SHLD1: variants seen among roughly 807,000 people sequenced by gnomAD.
SHLD1 encodes shieldin complex subunit 1.
In SHLD1, 3 loss-of-function variants were observed where a neutral mutation model predicts 5.5. That is an observed-to-expected ratio of 0.54 (90% CI 0.25 to 1.40). The LOEUF (loss-of-function observed/expected upper bound fraction) is 1.40. Ranked by LOEUF, SHLD1 falls within the 40% of genes most tolerant of loss-of-function variation. The pLI is 0.15. For missense variants in SHLD1, 210 were observed against 244.4 expected (o/e 0.86, Z 0.94); for synonymous variants, 92 against 94.3 (o/e 0.98, Z 0.14).
intron 2 of SHLD1, among the ~76,000 whole-genome samples, chr20:5,831,487 C>T (rs1356655761): frequency 6.6e-6 from 1 of 152,178 alleles, no homozygotes; most frequent in African/African-American, 2.4e-5. Flanking sequence ...AACAGCCCAC[C>T]TTTCATATCT....
In SHLD1 at chr20:5,764,138, A is replaced by AT. The variant is rs1568489951; in HGVS notation, c.-4-8724_-4-8723insT. ...CAAGGCTCTGTCTCAAAAAAAAAAA[A>AT]AATATATATATATTTATATTTATAT... is the stretch of plus-strand genomic sequence containing the variant. On this transcript the variant is annotated intron_variant, in intron 1 of 2. Transcript: ENST00000303142. Among the ~76,000 whole-genome samples, 192 of 50,270 alleles carry AT rather than the reference A, an allele frequency of 3.8e-3. 4 individuals are homozygous for AT. Among genetic ancestry groups the AT allele is most frequent in the African/African-American group, 0.015 (180 of 12,318 alleles). 33.0% of individuals were successfully genotyped at this position (50,270 alleles called of 152,430 possible). A position where few individuals can be genotyped will look rare whatever the true frequency, so the allele number is the denominator to read the frequency against.
rs758092845 is a variant in SHLD1 at position 5,863,065 on chromosome 20, G to A, written c.220G>A (p.Ala74Thr). The stretch of plus-strand genomic sequence containing the variant: ...TATAGAACAAAATAACTCCTGGACC[G>A]CTGAGAACTTCTGGCTTGACCCTGC... ...LNIEQNNSWT[A>T]ENFWLDPAVK... Residue 74 changes from alanine to threonine, a missense_variant, in exon 3 of 3, where the codon GCT (alanine) becomes ACT (threonine). Coordinates refer to ENST00000303142, the MANE Select transcript of SHLD1 (RefSeq NM_152504.4). 1.1e-5 allele frequency: 18 copies of A among 1,613,394 alleles called. No individual in the cohort carries two copies. The highest frequency in any genetic ancestry group is 6.6e-5 in the South Asian group (6 of 90,994).
At chr20:5,786,615 C>T (rs1292377939) in intron 2 of SHLD1, among the ~76,000 whole-genome samples, 1 of 151,754 alleles carries the variant, frequency 6.6e-6, no homozygotes, top group Non-Finnish European at 1.5e-5. Context: ...ATTATCTGAC[C>T]TACTTTGTTT....
intron 2 of SHLD1, among the ~76,000 whole-genome samples, chr20:5,814,088 G>A (rs1037812640): frequency 6.6e-6 from 1 of 151,584 alleles, no homozygotes; most frequent in African/African-American, 2.4e-5. Flanking sequence ...GAGTGGCTGG[G>A]ACTACAGGCG....
chr20:5,775,382 C>G (rs1985376184), intron 2 of SHLD1, among the ~76,000 whole-genome samples: 1 of 152,112 alleles, frequency 6.6e-6, no homozygotes, highest in South Asian at 2.1e-4. Context: ...TGAAATACTT[C>G]AAGGCAATGG....
chr20:5,767,538 T>G lies in SHLD1; in HGVS notation c.-4-5324T>G, dbSNP rs73594811. Among the ~76,000 whole-genome samples, 5 of 152,332 alleles carry G rather than the reference T, an allele frequency of 3.3e-5. No homozygotes were observed. The East Asian group carries it at 9.6e-4, about 29-fold the overall frequency. Reference sequence around the variant, plus strand: ...ACCCGTGGGTCCCTGACCTCATTCATGTGCTCTTCCTTTCCCACCCGGACC... The same window carrying G: ...ACCCGTGGGTCCCTGACCTCATTCAGGTGCTCTTCCTTTCCCACCCGGACC... On this transcript the variant is annotated intron_variant, in intron 1 of 2. Transcript: ENST00000303142.
intron 2 of SHLD1, among the ~76,000 whole-genome samples, chr20:5,840,236 T>A (rs2087841477): frequency 6.6e-6 from 1 of 152,218 alleles, no homozygotes; most frequent in African/African-American, 2.4e-5. Context: ...TTTGAACAAG[T>A]TTCGTAATCT....
chr20:5,829,413 A>T (rs1011850602), intron 2 of SHLD1, among the ~76,000 whole-genome samples: 3 of 151,876 alleles, frequency 2.0e-5, no homozygotes, highest in Non-Finnish European at 4.4e-5. Flanking sequence ...AGCTCTTATG[A>T]AGCTTATATA....
chr20:5,856,070 A>T (rs1395651225), intron 2 of SHLD1, among the ~76,000 whole-genome samples: 1 of 152,212 alleles, frequency 6.6e-6, no homozygotes, highest in East Asian at 1.9e-4. Flanking sequence ...TTGTAGTATG[A>T]CACAGATCTC....
intron 2 of SHLD1, among the ~76,000 whole-genome samples, chr20:5,812,835 A>G (rs1056767916): frequency 7.2e-5 from 11 of 152,142 alleles, no homozygotes; most frequent in Non-Finnish European, 1.6e-4. Context: ...TGAACAAAAT[A>G]GACAAAGGCT....
chr20:5,857,805 T>C (rs117143423), intron 2 of SHLD1, among the ~76,000 whole-genome samples: 16,084 of 150,708 alleles, frequency 0.11, 881 homozygotes, highest in Non-Finnish European at 0.13. Flanking sequence ...AGCAAAACCC[T>C]GTCTAAAAAA....
chr20:5,859,795 G>T (rs991466686), intron 2 of SHLD1, among the ~76,000 whole-genome samples: 1 of 152,190 alleles, frequency 6.6e-6, no homozygotes, highest in Non-Finnish European at 1.5e-5. Context: ...GAAGGGGAAG[G>T]GTTGTTTCTC....
At chr20:5,758,951 GT>G (rs903234621) in intron 1 of SHLD1, among the ~76,000 whole-genome samples, 389 of 127,190 alleles carry the variant, frequency 3.1e-3, no homozygotes, top group African/African-American at 8.5e-3. Context: ...TTCTTGACAA[GT>G]TTTTTTTTTT....
At chr20:5,807,457 A>G (rs1475330621) in intron 2 of SHLD1, among the ~76,000 whole-genome samples, 2 of 151,256 alleles carry the variant, frequency 1.3e-5, no homozygotes, top group Non-Finnish European at 2.9e-5. Context: ...TGCAGCCTTG[A>G]ACTCCTGGGC....
Position 5,768,904 on chromosome 20 carries a change from G to GT in SHLD1, c.-4-3941dup, listed in dbSNP as rs11475696. On this transcript the variant is annotated intron_variant, in intron 1 of 2. Transcript: ENST00000303142. ...CATGGACAGTTCTTCTCATGTAATT[G>GT]TTTTTTTTTTTTTTTTTGGTAAGAC... Among the ~76,000 whole-genome samples the GT allele has an allele frequency of 9.5e-3, 1,109 of 117,020 alleles. 14 individuals are homozygous for GT. The highest frequency in any genetic ancestry group is 0.031 in the African/African-American group (926 of 29,704). 76.8% of individuals were successfully genotyped at this position (117,020 alleles called of 152,430 possible).
chr20:5,845,041 A>G (rs1447811808), intron 2 of SHLD1, among the ~76,000 whole-genome samples: 1 of 151,616 alleles, frequency 6.6e-6, no homozygotes, highest in Non-Finnish European at 1.5e-5. Context: ...CAGGTGATCC[A>G]CCTGCCTCGG....
intron 2 of SHLD1, among the ~76,000 whole-genome samples, chr20:5,782,415 A>G (rs1037102857): frequency 2.0e-4 from 30 of 152,326 alleles, no homozygotes; most frequent in South Asian, 2.1e-4. Flanking sequence ...GAGAGCATCC[A>G]AGGTACTTTC....
intron 2 of SHLD1, among the ~76,000 whole-genome samples, chr20:5,844,787 A>ATT (rs1428765852): frequency 2.0e-5 from 2 of 102,262 alleles, no homozygotes; most frequent in African/African-American, 1.1e-4. Context: ...ATATATATAT[A>ATT]TATATATATA....
chr20:5,811,691 CA>C (rs1270733255), intron 2 of SHLD1, among the ~76,000 whole-genome samples: 1 of 151,858 alleles, frequency 6.6e-6, no homozygotes, highest in Non-Finnish European at 1.5e-5. Flanking sequence ...TGTGTCTCTA[CA>C]AAAAAATTTA....
Sources: gnomAD v4.1 joint callset for allele counts (sites outside exome capture counted in the v4.1 genomes callset) on GRCh38, gnomAD v4.1.1 for gene constraint, MANE v1.5 for transcripts, NCBI Gene and HGNC (gene_info 2026-07-23, HGNC 2026-07-21) for gene names.